The following ASB5 variants were observed in gnomAD, a reference collection of about 807,000 sequenced individuals.
The protein encoded by ASB5 is ankyrin repeat and SOCS box protein 5.
In ASB5, 45 loss-of-function variants were observed where a neutral mutation model predicts 42.1. The observed-to-expected ratio is 1.07, with a 90% CI of 0.84 to 1.37. ASB5 has a LOEUF of 1.37. ASB5 is among the 40% of genes most tolerant of loss of function. The pLI is 0.00. For synonymous variants in ASB5, 147 were observed against 150.6 expected (o/e 0.98, Z 0.18); for missense variants, 402 against 399.8 (o/e 1.01, Z -0.05).
intron 1 of ASB5, among the ~76,000 whole-genome samples, chr4:176,259,269 A>C (rs986463225): frequency 6.6e-6 from 1 of 152,216 alleles, no homozygotes; most frequent in African/African-American, 2.4e-5. Context: ...TCTAGATCAC[A>C]GGTCAAGATG....
chr4:176,221,093 T>G, intron 5 of ASB5, 62 bp downstream of exon 5: 1 of 1,472,590 alleles, frequency 6.8e-7, no homozygotes, highest in Middle Eastern at 1.8e-4. Context: ...GATGCTCATT[T>G]AGAGAAATAA....
chr4:176,259,322 G>T (rs1365887020), intron 1 of ASB5, among the ~76,000 whole-genome samples: 2 of 152,142 alleles, frequency 1.3e-5, no homozygotes, highest in Non-Finnish European at 2.9e-5. Context: ...TTCATTAGGT[G>T]CATCATTTCA....
chr4:176,229,381 A>G (rs565280043), intron 1 of ASB5, among the ~76,000 whole-genome samples: 1 of 152,280 alleles, frequency 6.6e-6, no homozygotes, highest in African/African-American at 2.4e-5. Flanking sequence ...CAATATTTGT[A>G]GCTGAAGGGT....
intron 1 of ASB5, among the ~76,000 whole-genome samples, chr4:176,249,793 C>T (rs552899933): frequency 1.1e-4 from 17 of 152,074 alleles, no homozygotes; most frequent in African/African-American, 3.1e-4. Flanking sequence ...TGGCCGGGCG[C>T]GGTGGCTCAC....
chr4:176,253,523 A>C (rs1220975487), intron 1 of ASB5, among the ~76,000 whole-genome samples: 6 of 152,206 alleles, frequency 3.9e-5, no homozygotes, highest in Non-Finnish European at 7.4e-5. Flanking sequence ...TGTTCCTATA[A>C]TATTGAAAGT....
At chr4:176,220,836 G>T (rs1256070984) in intron 5 of ASB5, among the ~76,000 whole-genome samples, 2 of 152,104 alleles carry the variant, frequency 1.3e-5, no homozygotes, top group Non-Finnish European at 2.9e-5. Flanking sequence ...ATTCAATCTT[G>T]AGGATCCTAA....
intron 1 of ASB5, among the ~76,000 whole-genome samples, chr4:176,232,762 C>A (rs2126956403): frequency 6.6e-6 from 1 of 152,330 alleles, no homozygotes; most frequent in East Asian, 1.9e-4. Flanking sequence ...AAGCCAACAT[C>A]TTTCTCTTAA....
chr4:176,234,481 T>G (rs1445470741), intron 1 of ASB5, among the ~76,000 whole-genome samples: 1 of 152,210 alleles, frequency 6.6e-6, no homozygotes, highest in African/African-American at 2.4e-5. Context: ...AAATCCTCCC[T>G]GTCCCTTCCC....
Position 176,219,584 on chromosome 4 carries a change from ATATATATATATATATAT to A in ASB5, c.670+1554_670+1570del, listed in dbSNP as rs1753134917. Among the ~76,000 whole-genome samples the A allele has an allele frequency of 1.8e-4, 9 of 49,032 alleles. 1 individual carries two copies. The highest frequency in any genetic ancestry group is 2.9e-4 in the Admixed American group (1 of 3,436). The allele number at this position is 49,032 out of a possible 152,430, so 32.2% of individuals were successfully genotyped here. A position where few individuals can be genotyped will look rare whatever the true frequency, so the allele number is the denominator to read the frequency against. On this transcript the variant is annotated intron_variant, in intron 5 of 6. Transcript: ENST00000296525. Reference sequence around the variant, plus strand: ...ATGTATATATTTGTATGATATATATATATATATATATATATATATATATATATATATATAGGCTGGAG... The same window carrying A: ...ATGTATATATTTGTATGATATATATAATATATATATATATATAGGCTGGAG...
At chr4:176,236,894 T>C (rs759524895) in intron 1 of ASB5, among the ~76,000 whole-genome samples, 1 of 152,236 alleles carries the variant, frequency 6.6e-6, no homozygotes, top group Non-Finnish European at 1.5e-5. Context: ...TTTTAGGAAG[T>C]TGCTCTACTC....
Position 176,221,617 on chromosome 4 carries a change from T to C in ASB5, c.385-17A>G. 1 of 1,584,210 alleles carries C rather than the reference T, an allele frequency of 6.3e-7. No individual in the cohort carries two copies. Among genetic ancestry groups the C allele is most frequent in the Non-Finnish European group, 8.6e-7 (1 of 1,158,832 alleles). Reference sequence around the variant, plus strand: ...TGCATTTACCTAAACCAAACCAAAATATCCAAACATAAGATTCATAAGTCA... The same window carrying C: ...TGCATTTACCTAAACCAAACCAAAACATCCAAACATAAGATTCATAAGTCA... On this transcript the variant is annotated splice_polypyrimidine_tract_variant and intron_variant, in intron 3 of 6. Transcript: ENST00000296525.
At chr4:176,253,228 T>G (rs780171923) in intron 1 of ASB5, among the ~76,000 whole-genome samples, 2 of 152,228 alleles carry the variant, frequency 1.3e-5, no homozygotes, top group Non-Finnish European at 2.9e-5. Flanking sequence ...CCTCAATTTT[T>G]AAAAATGTAG....
In ASB5 at chr4:176,222,368, G is replaced by C. The variant is rs553605089; in HGVS notation, c.329C>G (p.Ala110Gly). 13 of 1,613,900 alleles carry C rather than the reference G, an allele frequency of 8.1e-6. No individual in the cohort carries two copies. The highest frequency in any genetic ancestry group is 1.1e-5 in the Non-Finnish European group (13 of 1,179,994). Residue 110 changes from alanine to glycine, a missense_variant, in exon 3 of 7, where the codon GCC becomes GGC. Coordinates refer to ENST00000296525, the MANE Select transcript of ASB5 (RefSeq NM_080874.4). ...TLDHVTPLHE[A>G]CLGDHVACAR... ...ACATGCCACGTGATCTCCAAGGCAG[G>C]CTTCGTGCAATGGGGTGACATGGTC...
Position 176,218,079 on chromosome 4 carries a change from G to C in ASB5, c.671-1070C>G, listed in dbSNP as rs540976005. ...GTTATGTCAATTTTATGGAAGAAAA[G>C]GGTCTGAAAATAACAATCAATCAAC... On this transcript the variant is annotated intron_variant, in intron 5 of 6. Transcript: ENST00000296525. Among the ~76,000 whole-genome samples, 4 of 148,352 alleles carry C rather than the reference G, an allele frequency of 2.7e-5. No individual in the cohort carries two copies. The South Asian group carries it at 6.3e-4, about 23-fold the overall frequency.
At chr4:176,251,540 C>T (rs1180848783) in intron 1 of ASB5, among the ~76,000 whole-genome samples, 2 of 56,066 alleles carry the variant, frequency 3.6e-5, no homozygotes, top group Admixed American at 5.6e-4. Flanking sequence ...CCAGCCTGGG[C>T]GACACAGTGA....
chr4:176,270,815 C>G (rs1443648156), upstream of ASB5, among the ~76,000 whole-genome samples: 1 of 152,158 alleles, frequency 6.6e-6, no homozygotes, highest in Non-Finnish European at 1.5e-5. Context: ...TGCCTGACTC[C>G]ACACTAGAGA....
intron 5 of ASB5, among the ~76,000 whole-genome samples, chr4:176,219,329 TATATAAATATATATATTTGTATG>T (rs1387212881): frequency 1.9e-3 from 163 of 86,260 alleles, no homozygotes; most frequent in African/African-American, 6.8e-3. Context: ...ATTTGTATGA[TATATAAATATATATATTTGTATG>T]ATATATAAAT....
intron 1 of ASB5, among the ~76,000 whole-genome samples, chr4:176,276,651 C>T (rs779226488): frequency 6.6e-6 from 1 of 152,152 alleles, no homozygotes; most frequent in African/African-American, 2.4e-5. Context: ...AGAAATAAAA[C>T]ATATCCCACA....
intron 1 of ASB5, among the ~76,000 whole-genome samples, chr4:176,242,532 G>T (rs896412742): frequency 2.0e-5 from 3 of 152,030 alleles, no homozygotes; most frequent in African/African-American, 7.2e-5. Context: ...AAAATTATTG[G>T]CATTATGTTG....
Sources: allele counts gnomAD v4.1 joint callset (sites outside exome capture counted in the v4.1 genomes callset), GRCh38; gene constraint gnomAD v4.1.1; transcripts MANE v1.5; gene names NCBI Gene and HGNC (gene_info 2026-07-23, HGNC 2026-07-21).